The following LGSN variants were observed in gnomAD, a reference collection of about 807,000 sequenced individuals.
LGSN encodes lengsin, lens protein with glutamine synthetase domain.
Under a neutral mutation model 19.5 loss-of-function variants are expected in LGSN, and 21 were observed. The observed-to-expected ratio is 1.07, with a 90% CI of 0.76 to 1.55. The LOEUF is 1.55. Ranked by LOEUF, LGSN falls within the 40% of genes most tolerant of loss-of-function variation. LGSN has a pLI of 0.00. For synonymous variants in LGSN, 257 were observed against 215.6 expected, an observed-to-expected ratio of 1.19 and a Z score of -1.68; for missense variants, 673 against 608.5, an observed-to-expected ratio of 1.11 and a Z score of -1.12.
At chr6:63,472,479 C>T in the LGSN span, among the ~76,000 whole-genome samples, 5 of 152,114 alleles carry the variant, frequency 3.3e-5, no homozygotes, top group Non-Finnish European at 7.3e-5. Flanking sequence ...CATGTATGAA[C>T]GGAATCTACT....
the LGSN span, among the ~76,000 whole-genome samples, chr6:63,448,788 G>C: frequency 6.7e-6 from 1 of 149,620 alleles, no homozygotes; most frequent in African/African-American, 2.5e-5. Flanking sequence ...TCTGCCTTCT[G>C]TGTCATGGAT....
intron 1 of LGSN, among the ~76,000 whole-genome samples, chr6:63,318,786 T>C (rs1175394641): frequency 3.3e-5 from 5 of 152,186 alleles, no homozygotes; most frequent in Non-Finnish European, 1.5e-5. Context: ...AGCAGAGTTC[T>C]GCCATGGGAT....
chr6:63,400,474 C>T, the LGSN span, among the ~76,000 whole-genome samples: 1 of 152,212 alleles, frequency 6.6e-6, no homozygotes, highest in Non-Finnish European at 1.5e-5. Flanking sequence ...AGTAGACGTC[C>T]TCCTGGCTTA....
the LGSN span, among the ~76,000 whole-genome samples, chr6:63,526,125 G>T: frequency 6.6e-6 from 1 of 151,868 alleles, no homozygotes; most frequent in Non-Finnish European, 1.5e-5. Flanking sequence ...AGGAGTTCAA[G>T]ACCAGCCTGG....
chr6:63,353,982 T>C, the LGSN span, among the ~76,000 whole-genome samples: 3 of 152,052 alleles, frequency 2.0e-5, no homozygotes, highest in Admixed American at 6.6e-5. Flanking sequence ...TCTCACTACA[T>C]ATAAAAATCA....
the LGSN span, chr6:63,441,281 A>C: frequency 9.6e-5 from 39 of 404,972 alleles, no homozygotes; most frequent in Admixed American, 1.1e-3. Flanking sequence ...TAGACCTTAG[A>C]AAGAACAAGC....
rs113840447 is a variant in LGSN, at chr6:63,307,343, C to G, written c.31-12298G>C. Among the ~76,000 whole-genome samples, 929 of 152,310 alleles carry G rather than the reference C, an allele frequency of 6.1e-3. 7 individuals are homozygous for G. Among genetic ancestry groups the G allele is most frequent in the African/African-American group, 0.021 (854 of 41,562 alleles). Reference sequence around the variant, plus strand: ...CAGATTTGAACCCAGCCAGTTGGCTCCAGAGCACCAAGTACTTGGCACACT... The same window carrying G: ...CAGATTTGAACCCAGCCAGTTGGCTGCAGAGCACCAAGTACTTGGCACACT... On this transcript the variant is annotated intron_variant, in intron 1 of 3. Transcript: ENST00000370657.
At chr6:63,369,311 A>G in the LGSN span, among the ~76,000 whole-genome samples, 1 of 152,236 alleles carries the variant, frequency 6.6e-6, no homozygotes, top group Non-Finnish European at 1.5e-5. Context: ...GCTTGAACAC[A>G]TTCATATGCA....
chr6:63,480,986 T>TATATATATACAC, the LGSN span, among the ~76,000 whole-genome samples: 6 of 44,106 alleles, frequency 1.4e-4, no homozygotes, highest in Non-Finnish European at 2.9e-4. Context: ...TATATATATA[T>TATATATATACAC]ACACACACAC....
chr6:63,398,718 A>C, the LGSN span, among the ~76,000 whole-genome samples: 1 of 152,240 alleles, frequency 6.6e-6, no homozygotes, highest in Non-Finnish European at 1.5e-5. Context: ...ACAGTAGTGT[A>C]TAGCAGTATC....
At chr6:63,496,618 CT>C in the LGSN span, among the ~76,000 whole-genome samples, 1,304 of 138,996 alleles carry the variant, frequency 9.4e-3, 5 homozygotes, top group Middle Eastern at 0.022. Flanking sequence ...GTATTTGCTC[CT>C]TTTTTTTTTT....
chr6:63,382,470 G>A, the LGSN span, among the ~76,000 whole-genome samples: 1 of 152,178 alleles, frequency 6.6e-6, no homozygotes, highest in Non-Finnish European at 1.5e-5. Context: ...GTCCCCAGGA[G>A]CCTCTCATCT....
rs186912612 is a variant in LGSN at position 63,286,857 on chromosome 6, C to T, written c.164-1104G>A. 2.6e-5 allele frequency among the ~76,000 whole-genome samples: 4 copies of T among 152,286 alleles called. No homozygotes were observed. In the East Asian group the frequency reaches 5.8e-4, roughly 22 times the overall value. On this transcript the variant is annotated intron_variant, in intron 2 of 3. Transcript: ENST00000370657. Reference sequence around the variant, plus strand: ...AATAACATATGACCTACTTCATAGGCTTGTTATGAGGATTAACAAGTTATT... The same window carrying T: ...AATAACATATGACCTACTTCATAGGTTTGTTATGAGGATTAACAAGTTATT...
At chr6:63,305,903 A>T (rs1222279717) in intron 1 of LGSN, among the ~76,000 whole-genome samples, 1 of 152,098 alleles carries the variant, frequency 6.6e-6, no homozygotes, top group Admixed American at 6.6e-5. Flanking sequence ...TCTACAAAAA[A>T]TACAAAAAAT....
chr6:63,522,291 A>G, the LGSN span, among the ~76,000 whole-genome samples: 2 of 152,228 alleles, frequency 1.3e-5, no homozygotes, highest in African/African-American at 4.8e-5. Flanking sequence ...AATTATTTGT[A>G]TAGTTATAAA....
At chr6:63,374,301 A>G in the LGSN span, among the ~76,000 whole-genome samples, 1 of 152,208 alleles carries the variant, frequency 6.6e-6, no homozygotes, top group Non-Finnish European at 1.5e-5. Context: ...TCAAAACAAA[A>G]TGGTTTCAAT....
chr6:63,449,675 C>T, the LGSN span, among the ~76,000 whole-genome samples: 2 of 151,902 alleles, frequency 1.3e-5, no homozygotes, highest in African/African-American at 2.4e-5. Flanking sequence ...GGGTATCCCC[C>T]CAGAGAAAGA....
At chr6:63,566,402 G>A in the LGSN span, among the ~76,000 whole-genome samples, 4 of 152,124 alleles carry the variant, frequency 2.6e-5, no homozygotes, top group Non-Finnish European at 5.9e-5. Context: ...GTCGGGGTCA[G>A]TTTCTTTCCA....
the LGSN span, among the ~76,000 whole-genome samples, chr6:63,460,832 G>A: frequency 6.6e-6 from 1 of 152,162 alleles, no homozygotes; most frequent in Non-Finnish European, 1.5e-5. Flanking sequence ...TTCTGTTCTA[G>A]TTCACTAAGG....
Sources: gnomAD v4.1 joint callset for allele counts (sites outside exome capture counted in the v4.1 genomes callset) on GRCh38, gnomAD v4.1.1 for gene constraint, MANE v1.5 for transcripts, NCBI Gene and HGNC (gene_info 2026-07-23, HGNC 2026-07-21) for gene names.